KIF16B: variants seen among roughly 807,000 people sequenced by gnomAD.
KIF16B encodes kinesin family member 16B.
In KIF16B, 98 loss-of-function variants were observed where a neutral mutation model predicts 156.3. The observed-to-expected ratio is 0.63, with a 90% CI of 0.53 to 0.74. KIF16B has a LOEUF of 0.74. KIF16B is among the 30% of genes least tolerant of loss of function. The pLI is 0.00. For synonymous variants in KIF16B, 564 were observed against 583.7 expected (o/e 0.97, Z 0.49); for missense variants, 1,421 against 1,606.5 (o/e 0.88, Z 1.97).
intron 12 of KIF16B, among the ~76,000 whole-genome samples, chr20:16,465,158 C>G (rs1026596596): frequency 1.3e-5 from 2 of 152,130 alleles, no homozygotes; most frequent in African/African-American, 2.4e-5. Flanking sequence ...TTTCCAGATC[C>G]TAGAAGAAAG....
chr20:16,554,929 A>G (rs905839309), intron 1 of KIF16B, among the ~76,000 whole-genome samples: 2 of 152,182 alleles, frequency 1.3e-5, no homozygotes, highest in African/African-American at 2.4e-5. Flanking sequence ...CCTGGCTGTG[A>G]GCAGTAGCTG....
At chr20:16,518,596 G>C (rs571946337) in intron 3 of KIF16B, among the ~76,000 whole-genome samples, 133 of 152,274 alleles carry the variant, frequency 8.7e-4, no homozygotes, top group Non-Finnish European at 1.7e-3. Context: ...TGAGATCAAA[G>C]CCTCCCTTTG....
intron 19 of KIF16B, among the ~76,000 whole-genome samples, chr20:16,375,685 C>CAA (rs34135271): frequency 0.17 from 18,891 of 112,686 alleles, 1,400 homozygotes; most frequent in East Asian, 0.33. Flanking sequence ...CATCAATGGC[C>CAA]AAAAAAAAAA....
intron 12 of KIF16B, among the ~76,000 whole-genome samples, chr20:16,471,298 G>A (rs1186767900): frequency 6.6e-6 from 1 of 152,126 alleles, no homozygotes; most frequent in African/African-American, 2.4e-5. Flanking sequence ...TAAAATATGA[G>A]TCCTAAAATA....
intron 1 of KIF16B, among the ~76,000 whole-genome samples, chr20:16,540,271 T>C (rs1301175041): frequency 6.6e-6 from 1 of 152,132 alleles, no homozygotes; most frequent in Non-Finnish European, 1.5e-5. Flanking sequence ...AAAGGATAAA[T>C]AGCAAGCCAT....
intron 25 of KIF16B, among the ~76,000 whole-genome samples, chr20:16,283,865 G>A (rs2063183654): frequency 2.6e-5 from 4 of 152,110 alleles, no homozygotes; most frequent in Admixed American, 2.6e-4. Flanking sequence ...GGCCAAATAC[G>A]GCATTCTGTA....
chr20:16,321,567 C>A (rs925141671), intron 24 of KIF16B, among the ~76,000 whole-genome samples: 1 of 152,066 alleles, frequency 6.6e-6, no homozygotes, highest in Non-Finnish European at 1.5e-5. Context: ...AATCTCCCTA[C>A]ACAGCGTTAG....
chr20:16,297,491 G>C (rs1279506236), intron 25 of KIF16B, among the ~76,000 whole-genome samples: 1 of 152,070 alleles, frequency 6.6e-6, no homozygotes, highest in African/African-American at 2.4e-5. Context: ...AGGAGATCAA[G>C]ACCATTCTGG....
intron 22 of KIF16B, among the ~76,000 whole-genome samples, chr20:16,364,483 A>G (rs1165456625): frequency 6.6e-6 from 1 of 152,200 alleles, no homozygotes; most frequent in African/African-American, 2.4e-5. Flanking sequence ...TCAGACTCTC[A>G]TAGTTGCTCC....
intron 25 of KIF16B, among the ~76,000 whole-genome samples, chr20:16,310,780 G>A (rs2063608355): frequency 1.3e-5 from 2 of 152,106 alleles, no homozygotes; most frequent in Admixed American, 1.3e-4. Flanking sequence ...TGGGTATCAG[G>A]ATCATGCCAT....
At chr20:16,525,831 C>G (rs1473897485) in intron 3 of KIF16B, among the ~76,000 whole-genome samples, 1 of 152,044 alleles carries the variant, frequency 6.6e-6, no homozygotes, top group East Asian at 1.9e-4. Flanking sequence ...GGAACCATAT[C>G]CAAGTTTTGA....
chr20:16,415,146 A>C (rs1195795717), intron 15 of KIF16B, among the ~76,000 whole-genome samples: 1 of 152,132 alleles, frequency 6.6e-6, no homozygotes, highest in East Asian at 1.9e-4. Flanking sequence ...TAGAAAGCAC[A>C]GGAAATGATT....
At chr20:16,315,422 G>A (rs6080220) in intron 24 of KIF16B, among the ~76,000 whole-genome samples, 1 of 152,164 alleles carries the variant, frequency 6.6e-6, no homozygotes. Context: ...GGCAAAGTCA[G>A]GACTGACTCC....
At position 16,366,948 on chromosome 20, in the gene KIF16B, T is replaced by A. The variant is rs145599316; in HGVS notation, c.3498+3638A>T. On this transcript the variant is annotated intron_variant, in intron 22 of 25. Transcript: ENST00000354981. Reference sequence around the variant, plus strand: ...CAAGGTGATGATAAAGATATTTTATTGGGGCTCTGCTATTAGCTGTTTTTA... The same window carrying A: ...CAAGGTGATGATAAAGATATTTTATAGGGGCTCTGCTATTAGCTGTTTTTA... 1,995 of 1,252,394 alleles carry A rather than the reference T, an allele frequency of 1.6e-3. 7 individuals are homozygous for A. Among genetic ancestry groups the A allele is most frequent in the Non-Finnish European group, 1.8e-3 (1,835 of 996,876 alleles). 77.6% of individuals were successfully genotyped at this position (1,252,394 alleles called of 1,614,324 possible). A position where few individuals can be genotyped will look rare whatever the true frequency, so the allele number is the denominator to read the frequency against.
chr20:16,333,294 G>GAA (rs2063981567), intron 24 of KIF16B, among the ~76,000 whole-genome samples: 1 of 152,140 alleles, frequency 6.6e-6, no homozygotes, highest in Non-Finnish European at 1.5e-5. Context: ...TCAGAAAGGT[G>GAA]TGCCTGGTCT....
chr20:16,434,815 C>T (rs891510441), intron 12 of KIF16B, among the ~76,000 whole-genome samples: 4 of 151,764 alleles, frequency 2.6e-5, no homozygotes, highest in African/African-American at 7.3e-5. Flanking sequence ...ATTTCACTAG[C>T]GAGTAGAATT....
chr20:16,528,297 T>C, intron 2 of KIF16B, 74 bp downstream of exon 2: 1 of 1,117,578 alleles, frequency 8.9e-7, no homozygotes, highest in Non-Finnish European at 1.4e-6. Flanking sequence ...AGGCTTTATT[T>C]ACTCATTAGT....
At chr20:16,333,376 C>T (rs778766247) in intron 24 of KIF16B, among the ~76,000 whole-genome samples, 2 of 152,196 alleles carry the variant, frequency 1.3e-5, no homozygotes, top group Non-Finnish European at 2.9e-5. Flanking sequence ...ATTCACTTTA[C>T]ACAAGCTGAA....
intron 15 of KIF16B, among the ~76,000 whole-genome samples, chr20:16,410,380 C>T (rs2146306521): frequency 6.6e-6 from 1 of 150,440 alleles, no homozygotes; most frequent in African/African-American, 2.4e-5. Context: ...TACATACACA[C>T]ACATATACAG....
Sources: allele counts gnomAD v4.1 joint callset (sites outside exome capture counted in the v4.1 genomes callset), GRCh38; gene constraint gnomAD v4.1.1; transcripts MANE v1.5; gene names NCBI Gene and HGNC (gene_info 2026-07-23, HGNC 2026-07-21).